Variants in DCLK1 observed in about 807,000 individuals in gnomAD.
DCLK1 encodes the protein serine/threonine-protein kinase DCLK1.
A neutral mutation model predicts 86.2 loss-of-function variants in DCLK1; 16 were observed. The ratio of observed to expected loss-of-function variants is 0.19; its 90% CI spans 0.13 to 0.28. The LOEUF (loss-of-function observed/expected upper bound fraction) is 0.28, where lower values mean the gene tolerates loss of function less well. DCLK1 is among the 10% of genes least tolerant of loss of function. DCLK1 has a pLI of 1.00. For missense variants in DCLK1, 590 were observed against 940.2 expected, an observed-to-expected ratio of 0.63 and a Z score of 4.87; for synonymous variants, 369 against 370.5, an observed-to-expected ratio of 1.00 and a Z score of 0.05.
At chr13:35,820,470 C>T (rs551484237) in intron 11 of DCLK1, among the ~76,000 whole-genome samples, 14 of 152,118 alleles carry the variant, frequency 9.2e-5, no homozygotes, top group Admixed American at 7.2e-4. Flanking sequence ...AGAAGTATCA[C>T]GTAAACTGTA....
At chr13:36,084,382 C>A (rs1000509627) in intron 3 of DCLK1, among the ~76,000 whole-genome samples, 5 of 152,254 alleles carry the variant, frequency 3.3e-5, no homozygotes, top group East Asian at 1.9e-4. Context: ...ACCGGGCACA[C>A]AAGGGTCAAA....
intron 4 of DCLK1, among the ~76,000 whole-genome samples, chr13:35,943,576 C>G (rs1031378160): frequency 3.1e-4 from 47 of 152,064 alleles, no homozygotes; most frequent in Non-Finnish European, 6.5e-4. Context: ...ATCTGGACTC[C>G]CGAGCACGCA....
At chr13:35,804,586 C>G (rs942808239) in intron 15 of DCLK1, among the ~76,000 whole-genome samples, 4 of 151,956 alleles carry the variant, frequency 2.6e-5, no homozygotes, top group African/African-American at 9.7e-5. Context: ...GTGCGCACCA[C>G]CACACCCAGC....
chr13:35,911,215 A>G (rs574833229), intron 4 of DCLK1, among the ~76,000 whole-genome samples: 1 of 151,218 alleles, frequency 6.6e-6, no homozygotes, highest in African/African-American at 2.4e-5. Flanking sequence ...AATGGCGTGA[A>G]CCCCGGAGGC....
intron 4 of DCLK1, among the ~76,000 whole-genome samples, chr13:35,900,267 G>A (rs147566368): frequency 0.014 from 2,059 of 144,260 alleles, 49 homozygotes; most frequent in East Asian, 0.075. Flanking sequence ...TTGAGACAGA[G>A]TCTCGCTCTG....
At chr13:35,823,326 G>C (rs2087439599) in intron 10 of DCLK1, among the ~76,000 whole-genome samples, 1 of 150,900 alleles carries the variant, frequency 6.6e-6, no homozygotes, top group Non-Finnish European at 1.5e-5. Context: ...CACTGAAAAT[G>C]TTCTACTGCC....
chr13:36,005,933 C>T (rs1427203820), intron 3 of DCLK1, among the ~76,000 whole-genome samples: 2 of 152,272 alleles, frequency 1.3e-5, no homozygotes, highest in African/African-American at 4.8e-5. Flanking sequence ...CCAAACACCA[C>T]GTGTTCTCAC....
At position 35,772,539 on chromosome 13, in the gene DCLK1, C is replaced by T. The variant is rs567074283; in HGVS notation, c.*1996G>A. ...TGTTCCTCATTAATATGGAATCTACCTACACACCAACACTCTTTCTGGTGT... is the reference window on the plus strand; with the variant it reads ...TGTTCCTCATTAATATGGAATCTACTTACACACCAACACTCTTTCTGGTGT... On this transcript the variant is annotated 3_prime_UTR_variant, in exon 17 of 17. Coordinates refer to ENST00000360631, the MANE Select transcript of DCLK1 (RefSeq NM_001330071.2). 6.6e-6 allele frequency: 1 copy of T among 152,022 alleles called. No individual in the cohort carries two copies. Among genetic ancestry groups the T allele is most frequent in the South Asian group, 2.1e-4 (1 of 4,804 alleles). 9.4% of individuals were successfully genotyped at this position (152,022 alleles called of 1,614,324 possible).
chr13:35,801,889 A>C (rs761234966), intron 15 of DCLK1, among the ~76,000 whole-genome samples: 8 of 152,158 alleles, frequency 5.3e-5, no homozygotes, highest in Non-Finnish European at 1.0e-4. Context: ...CAGACCCCTC[A>C]TGTATATAAA....
intron 3 of DCLK1, among the ~76,000 whole-genome samples, chr13:36,087,711 C>T (rs562177461): frequency 1.3e-5 from 2 of 152,180 alleles, no homozygotes; most frequent in Admixed American, 6.5e-5. Flanking sequence ...TCCCTCCTCT[C>T]CACTCTCTTC....
intron 3 of DCLK1, among the ~76,000 whole-genome samples, chr13:36,020,527 T>G (rs1452807445): frequency 6.6e-6 from 1 of 152,108 alleles, no homozygotes; most frequent in African/African-American, 2.4e-5. Context: ...CTATTCCCAT[T>G]TGTTTGTCTC....
chr13:35,859,778 C>G (rs895818635), intron 5 of DCLK1, among the ~76,000 whole-genome samples: 1 of 152,134 alleles, frequency 6.6e-6, no homozygotes, highest in Admixed American at 6.5e-5. Context: ...CCCCAAGATG[C>G]TTATGATTAA....
chr13:35,899,934 C>T (rs1334652421), intron 4 of DCLK1, among the ~76,000 whole-genome samples: 1 of 152,112 alleles, frequency 6.6e-6, no homozygotes, highest in Non-Finnish European at 1.5e-5. Context: ...AAAAAATGAA[C>T]ATATATTTAA....
intron 5 of DCLK1, among the ~76,000 whole-genome samples, chr13:35,857,777 G>T (rs1044132234): frequency 2.0e-5 from 3 of 152,130 alleles, no homozygotes. Flanking sequence ...GTGAAGCAAG[G>T]GGGGCACAAT....
chr13:35,818,572 C>T (rs1244151067), intron 11 of DCLK1, among the ~76,000 whole-genome samples: 1 of 151,994 alleles, frequency 6.6e-6, no homozygotes, highest in Non-Finnish European at 1.5e-5. Flanking sequence ...TTGAAGAAAA[C>T]GACTATGTTT....
chr13:35,874,236 T>C (rs898830933), intron 4 of DCLK1, among the ~76,000 whole-genome samples: 5 of 150,072 alleles, frequency 3.3e-5, no homozygotes, highest in African/African-American at 9.8e-5. Flanking sequence ...TCTGAATTGC[T>C]TTATATAAAC....
Position 35,829,661 on chromosome 13 carries a change from T to C in DCLK1, c.1230-1354A>G, listed in dbSNP as rs186104313. Among the ~76,000 whole-genome samples, 531 of 152,314 alleles carry C rather than the reference T, an allele frequency of 3.5e-3. 3 individuals are homozygous for C. Among genetic ancestry groups the C allele is most frequent in the African/African-American group, 0.012 (501 of 41,560 alleles). ...TCCATGACACTTCCAGGCTTTTTCA[T>C]GGTGCCGGCCTCAAAAAACAGTGAA... On this transcript the variant is annotated intron_variant, in intron 8 of 16. Coordinates refer to ENST00000360631, the MANE Select transcript of DCLK1 (RefSeq NM_001330071.2).
At chr13:35,887,430 C>G (rs1873341014) in intron 4 of DCLK1, among the ~76,000 whole-genome samples, 2 of 152,156 alleles carry the variant, frequency 1.3e-5, no homozygotes, top group Admixed American at 1.3e-4. Flanking sequence ...GACCTGCTGT[C>G]CTGTTCTCTG....
At chr13:35,927,056 G>A (rs540117340) in intron 4 of DCLK1, among the ~76,000 whole-genome samples, 115 of 152,322 alleles carry the variant, frequency 7.5e-4, no homozygotes, top group African/African-American at 2.6e-3. Context: ...GGGCCCTCAC[G>A]TAATCCCTCT....
Sources: gnomAD v4.1 joint callset for allele counts (sites outside exome capture counted in the v4.1 genomes callset) on GRCh38, gnomAD v4.1.1 for gene constraint, MANE v1.5 for transcripts, NCBI Gene and HGNC (gene_info 2026-07-23, HGNC 2026-07-21) for gene names.